The following TRIM58 variants were observed in gnomAD, a reference collection of about 807,000 sequenced individuals.
TRIM58 encodes tripartite motif containing 58.
In TRIM58, 38 loss-of-function variants were observed where a neutral mutation model predicts 34.1. That is an observed-to-expected ratio of 1.12 (90% CI 0.86 to 1.46). TRIM58 has a LOEUF of 1.46. Among genes scored for constraint, TRIM58 ranks in the 40% most tolerant of loss-of-function variants. TRIM58 has a pLI of 0.00. For missense variants in TRIM58, 677 were observed against 642.0 expected (o/e 1.05, Z -0.59); for synonymous variants, 273 against 275.7 (o/e 0.99, Z 0.10).
chr1:247,867,754 AGTT>A, intron 3 of TRIM58, 88 bp from the exon 4 acceptor site: 1 of 1,398,444 alleles, frequency 7.2e-7, no homozygotes, highest in East Asian at 2.3e-5. Context: ...GTTTTGCAGT[AGTT>A]TCTAAGGAAA....
Position 247,879,929 on chromosome 1 carries a change from G to T in TRIM58, c.*3440G>T, listed in dbSNP as rs181899973. Among the ~76,000 whole-genome samples, 1 of 151,826 alleles carries T rather than the reference G, an allele frequency of 6.6e-6. No homozygotes were observed. Among genetic ancestry groups the T allele is most frequent in the Non-Finnish European group, 1.5e-5 (1 of 67,988 alleles). Reference sequence around the variant, plus strand: ...AGGCTCTTTGTTCCCCATACAGTACGTGTCGTCGTACTATATTGTTAGGCT... The same window carrying T: ...AGGCTCTTTGTTCCCCATACAGTACTTGTCGTCGTACTATATTGTTAGGCT... On this transcript the variant is annotated 3_prime_UTR_variant, in exon 6 of 6. Coordinates refer to ENST00000366481, the MANE Select transcript of TRIM58 (RefSeq NM_015431.4).
At chr1:247,873,442 A>G (rs972470883) in intron 5 of TRIM58, among the ~76,000 whole-genome samples, 4 of 152,196 alleles carry the variant, frequency 2.6e-5, no homozygotes, top group Non-Finnish European at 5.9e-5. Context: ...GTGCCGGAAG[A>G]GGAATGGCTT....
intron 5 of TRIM58, among the ~76,000 whole-genome samples, chr1:247,870,022 A>C (rs1187286839): frequency 6.6e-6 from 1 of 152,098 alleles, no homozygotes; most frequent in South Asian, 2.1e-4. Flanking sequence ...CAAAGTGTTG[A>C]AAAGTAGACA....
chr1:247,869,648 A>G (rs1664014751), intron 5 of TRIM58, among the ~76,000 whole-genome samples: 1 of 152,100 alleles, frequency 6.6e-6, no homozygotes, highest in Admixed American at 6.5e-5. Context: ...TGACTCATGC[A>G]CTCCTCTTAA....
chr1:247,866,901 T>G (rs1663942579), intron 3 of TRIM58, among the ~76,000 whole-genome samples: 2 of 152,224 alleles, frequency 1.3e-5, no homozygotes, highest in African/African-American at 2.4e-5. Context: ...GACCAAGGCC[T>G]GACATTCCCA....
intron 3 of TRIM58, among the ~76,000 whole-genome samples, chr1:247,866,054 A>G (rs528477638): frequency 6.6e-6 from 1 of 152,182 alleles, no homozygotes; most frequent in East Asian, 1.9e-4. Flanking sequence ...TCTTATATAT[A>G]TTAAATTTAT....
At chr1:247,858,611 C>T (rs1176685250) in intron 1 of TRIM58, among the ~76,000 whole-genome samples, 5 of 151,956 alleles carry the variant, frequency 3.3e-5, no homozygotes. Context: ...TCCTTCTCTA[C>T]CAATATCTCT....
intron 2 of TRIM58, among the ~76,000 whole-genome samples, chr1:247,863,780 G>C (rs571092437): frequency 2.0e-5 from 3 of 152,294 alleles, no homozygotes; most frequent in Middle Eastern, 6.8e-3. Context: ...AGCCTGGGAC[G>C]AAGTATGTTC....
Position 247,857,275 on chromosome 1 carries a change from TGCGCGAG to T in TRIM58, c.31_37del (p.Arg11MetfsTer91). On this transcript the variant is annotated frameshift_variant, in exon 1 of 6. Coordinates refer to ENST00000366481, the MANE Select transcript of TRIM58 (RefSeq NM_015431.4). LOFTEE classifies it high-confidence loss of function. The stretch of plus-strand genomic sequence containing the variant: ...GCCTGGGCGCCGCCCGGGGAGCGGC[TGCGCGAG>T]GATGCGCGGTGCCCGGTGTGCCTGG... 7.4e-7 allele frequency: 1 copy of T among 1,356,516 alleles called. No homozygotes were observed. The highest frequency in any genetic ancestry group is 1.9e-5 in the South Asian group (1 of 52,558). 84.0% of individuals were successfully genotyped at this position (1,356,516 alleles called of 1,614,324 possible).
rs181899973 is a variant in TRIM58, at chr1:247,879,929, G to A, written c.*3440G>A. On this transcript the variant is annotated 3_prime_UTR_variant, in exon 6 of 6. Coordinates refer to ENST00000366481, the MANE Select transcript of TRIM58 (RefSeq NM_015431.4). ...AGGCTCTTTGTTCCCCATACAGTACGTGTCGTCGTACTATATTGTTAGGCT... is the reference window on the plus strand; with the variant it reads ...AGGCTCTTTGTTCCCCATACAGTACATGTCGTCGTACTATATTGTTAGGCT... Among the ~76,000 whole-genome samples the A allele has an allele frequency of 8.6e-5, 13 of 151,946 alleles. No homozygotes were observed. In the East Asian group the frequency reaches 2.1e-3, roughly 25 times the overall value.
Position 247,864,957 on chromosome 1 carries a change from G to T in TRIM58, c.747+22G>T, listed in dbSNP as rs1461595248. On this transcript the variant is annotated intron_variant, in intron 3 of 5. Transcript: ENST00000366481. ...GGAGGTGAGGCCGGGTGCCAGAAAA[G>T]CAGGCAGATGTGAGACTCAGGTGAC... 4 of 1,541,610 alleles carry T rather than the reference G, an allele frequency of 2.6e-6. No homozygotes were observed. In the African/African-American group the frequency reaches 4.1e-5, roughly 16 times the overall value.
chr1:247,879,589 C>T lies in TRIM58; in HGVS notation c.*3100C>T, dbSNP rs1053728294. Among the ~76,000 whole-genome samples, 1 of 151,916 alleles carries T rather than the reference C, an allele frequency of 6.6e-6. No homozygotes were observed. ...CCAGGCCCTAGAGGATGTGAACCCC[C>T]AGGCCCTAGAGGATCTGAACCCCCA... On this transcript the variant is annotated 3_prime_UTR_variant, in exon 6 of 6. Coordinates refer to ENST00000366481, the MANE Select transcript of TRIM58 (RefSeq NM_015431.4).
chr1:247,875,364 CA>C (rs1395045323), intron 5 of TRIM58, among the ~76,000 whole-genome samples: 1 of 152,110 alleles, frequency 6.6e-6, no homozygotes, highest in Admixed American at 6.5e-5. Context: ...TAAGTGCACT[CA>C]AATGCTTTGG....
intron 3 of TRIM58, among the ~76,000 whole-genome samples, chr1:247,866,866 G>T (rs1360402314): frequency 6.6e-6 from 1 of 152,078 alleles, no homozygotes; most frequent in Non-Finnish European, 1.5e-5. Flanking sequence ...GTACTAATAA[G>T]CTACATTTTA....
intron 5 of TRIM58, among the ~76,000 whole-genome samples, chr1:247,870,222 T>C (rs1353792191): frequency 6.6e-6 from 1 of 152,202 alleles, no homozygotes; most frequent in Non-Finnish European, 1.5e-5. Context: ...GTGCCATATT[T>C]TAGGGTAAAA....
chr1:247,871,613 C>G (rs1572577340), intron 5 of TRIM58, among the ~76,000 whole-genome samples: 1 of 152,200 alleles, frequency 6.6e-6, no homozygotes, highest in East Asian at 1.9e-4. Flanking sequence ...TGAATGTATG[C>G]TAAATGCCCA....
intron 5 of TRIM58, among the ~76,000 whole-genome samples, chr1:247,873,372 T>A (rs1659193788): frequency 6.6e-6 from 1 of 152,138 alleles, no homozygotes; most frequent in Non-Finnish European, 1.5e-5. Context: ...AGGAATGGGA[T>A]ACAGACCATA....
In TRIM58 at chr1:247,864,825, C is replaced by T. The variant is rs566657718; in HGVS notation, c.637C>T (p.Gln213Ter). 1 of 1,613,588 alleles carries T rather than the reference C, an allele frequency of 6.2e-7. No homozygotes were observed. The highest frequency in any genetic ancestry group is 1.3e-5 in the African/African-American group (1 of 74,914). The change falls in exon 3 of 6, where the codon CAG becomes TAG. Residue 213 changes from glutamine (Q) to a stop codon, truncating the protein, a stop_gained. Transcript: ENST00000366481. LOFTEE classifies it high-confidence loss of function. ...GGAGGCGGAGGAGCGAGCGACGCTG[C>T]AGAGACTGCGGGAGAGCAAGAGCCG... The part of the protein sequence containing the change: ...RLEAEERATL[Q>*]RLRESKSRLV...
chr1:247,861,320 G>T (rs1163908450), intron 2 of TRIM58, among the ~76,000 whole-genome samples: 1 of 151,840 alleles, frequency 6.6e-6, no homozygotes, highest in Non-Finnish European at 1.5e-5. Context: ...GGCGATACCT[G>T]CCCCCCAAGA....
Sources: gnomAD v4.1 joint callset for allele counts (sites outside exome capture counted in the v4.1 genomes callset) on GRCh38, gnomAD v4.1.1 for gene constraint, MANE v1.5 for transcripts, NCBI Gene and HGNC (gene_info 2026-07-23, HGNC 2026-07-21) for gene names.